CNTN5: variants seen among roughly 807,000 people sequenced by gnomAD.
The protein encoded by CNTN5 is contactin 5.
In CNTN5, 77 loss-of-function variants were observed where a neutral mutation model predicts 129.1. The observed-to-expected ratio is 0.60, with a 90% CI of 0.50 to 0.72. CNTN5 has a LOEUF of 0.72. Ranked by LOEUF, CNTN5 falls within the 30% of genes least tolerant of loss-of-function variation. CNTN5 has a pLI of 0.00. For synonymous variants in CNTN5, 509 were observed against 465.6 expected, an observed-to-expected ratio of 1.09 and a Z score of -1.20; for missense variants, 1,478 against 1,328.8, an observed-to-expected ratio of 1.11 and a Z score of -1.75.
rs149855128 is a variant in CNTN5, at chr11:99,543,453, C to T, written c.-70-12692C>T. On this transcript the variant is annotated intron_variant, in intron 2 of 24. Coordinates refer to ENST00000524871, the MANE Select transcript of CNTN5 (RefSeq NM_014361.4). ...CTGACCATCACATTTACTTGCACTT[C>T]TGATATCAAATTCAGTTAGGCCATA... 5.4e-4 allele frequency among the ~76,000 whole-genome samples: 82 copies of T among 152,286 alleles called. 3 individuals carry two copies. The East Asian group carries it at 0.015, about 27-fold the overall frequency.
chr11:99,680,517 A>G (rs1296946261), intron 3 of CNTN5, among the ~76,000 whole-genome samples: 1 of 151,892 alleles, frequency 6.6e-6, no homozygotes, highest in African/African-American at 2.4e-5. Context: ...TTTTAAGCCC[A>G]CTGTCGAGAT....
chr11:99,832,908 G>A (rs575821530), intron 4 of CNTN5, among the ~76,000 whole-genome samples: 1 of 152,306 alleles, frequency 6.6e-6, no homozygotes, highest in Admixed American at 6.5e-5. Flanking sequence ...AACAGTTGCA[G>A]CCTGGCATTA....
At chr11:100,078,897 T>A (rs1047720405) in intron 13 of CNTN5, among the ~76,000 whole-genome samples, 3 of 151,982 alleles carry the variant, frequency 2.0e-5, no homozygotes, top group African/African-American at 7.3e-5. Flanking sequence ...CAAGACTGGG[T>A]AATTTATAAA....
chr11:99,132,157 T>C (rs61893413), intron 1 of CNTN5, among the ~76,000 whole-genome samples: 26,270 of 151,674 alleles, frequency 0.17, 2,711 homozygotes, highest in East Asian at 0.41. Flanking sequence ...ACCATATGAA[T>C]ATCTCAATAG....
chr11:99,431,063 C>G (rs1447019460), intron 2 of CNTN5, among the ~76,000 whole-genome samples: 6 of 149,326 alleles, frequency 4.0e-5, no homozygotes, highest in Admixed American at 2.7e-4. Flanking sequence ...TTTTAAAAGG[C>G]CTTGTTAGGC....
chr11:99,185,415 T>G (rs944133736), intron 1 of CNTN5, among the ~76,000 whole-genome samples: 1 of 152,020 alleles, frequency 6.6e-6, no homozygotes, highest in South Asian at 2.1e-4. Context: ...GAATCAATGA[T>G]AGTTAAGAAA....
At chr11:99,700,621 T>C (rs1235082604) in intron 3 of CNTN5, among the ~76,000 whole-genome samples, 1 of 151,344 alleles carries the variant, frequency 6.6e-6, no homozygotes, top group Admixed American at 6.6e-5. Flanking sequence ...ATTTCAAAAA[T>C]AATAAAAGCC....
At chr11:100,098,683 G>A (rs1257525849) in intron 13 of CNTN5, among the ~76,000 whole-genome samples, 1 of 151,926 alleles carries the variant, frequency 6.6e-6, no homozygotes, top group Non-Finnish European at 1.5e-5. Flanking sequence ...TAATGTTATT[G>A]CCCAGTAGCA....
At chr11:100,210,967 C>A (rs1227369428) in intron 15 of CNTN5, among the ~76,000 whole-genome samples, 1 of 152,112 alleles carries the variant, frequency 6.6e-6, no homozygotes, top group Non-Finnish European at 1.5e-5. Flanking sequence ...AGGTAGTTGA[C>A]ACATTGTACA....
At position 100,356,120 on chromosome 11, in the gene CNTN5, G is replaced by C; in HGVS notation, c.3203G>C (p.Gly1068Ala). The C allele has an allele frequency of 6.2e-6, 10 of 1,605,088 alleles. No homozygotes were observed. Among genetic ancestry groups the C allele is most frequent in the Non-Finnish European group, 7.7e-6 (9 of 1,174,220 alleles). ...SQIRVPSYSG[G>A]KITSAQSTLH... Reference sequence around the variant, plus strand: ...TTTGATGCTTCTTTTTTCACAGGTGGAAAAATCACAAGTGCACAGTCGACC... The same window carrying C: ...TTTGATGCTTCTTTTTTCACAGGTGCAAAAATCACAAGTGCACAGTCGACC... The change falls in exon 25 of 25, where the codon GGA becomes GCA. Residue 1068 changes from glycine to alanine, a missense_variant. Physicochemically the swap from Gly to Ala is moderately conservative, Grantham distance 60 (BLOSUM62 0). Transcript: ENST00000524871.
chr11:100,080,854 A>G (rs1305370213), intron 13 of CNTN5, among the ~76,000 whole-genome samples: 1 of 152,190 alleles, frequency 6.6e-6, no homozygotes, highest in Admixed American at 6.5e-5. Flanking sequence ...ATTAATATCT[A>G]TGTTTTCAAA....
At chr11:99,383,602 T>A (rs1021908208) in intron 2 of CNTN5, among the ~76,000 whole-genome samples, 2 of 152,196 alleles carry the variant, frequency 1.3e-5, no homozygotes, top group Non-Finnish European at 2.9e-5. Flanking sequence ...GCTGCTTTTT[T>A]TTTTTTCTTT....
intron 1 of CNTN5, among the ~76,000 whole-genome samples, chr11:99,283,678 A>G (rs1329924335): frequency 6.6e-6 from 1 of 152,148 alleles, no homozygotes; most frequent in Non-Finnish European, 1.5e-5. Flanking sequence ...AAGCAGGGAA[A>G]CTATTACACA....
intron 2 of CNTN5, among the ~76,000 whole-genome samples, chr11:99,352,572 A>G (rs1938372875): frequency 6.6e-6 from 1 of 152,156 alleles, no homozygotes; most frequent in African/African-American, 2.4e-5. Context: ...CTAAAGTTGA[A>G]ACAATAAAAA....
chr11:99,653,205 C>T (rs1296205475), intron 3 of CNTN5, among the ~76,000 whole-genome samples: 1 of 151,952 alleles, frequency 6.6e-6, no homozygotes, highest in Non-Finnish European at 1.5e-5. Flanking sequence ...AATGAGTGAA[C>T]TCATAGACAG....
intron 21 of CNTN5, among the ~76,000 whole-genome samples, chr11:100,324,546 T>C (rs1951753684): frequency 6.6e-6 from 1 of 152,128 alleles, no homozygotes; most frequent in Admixed American, 6.5e-5. Context: ...AGTACATCAG[T>C]TATAATTAAA....
chr11:99,183,537 G>C (rs748395454), intron 1 of CNTN5, among the ~76,000 whole-genome samples: 18 of 151,938 alleles, frequency 1.2e-4, no homozygotes, highest in Non-Finnish European at 2.2e-4. Flanking sequence ...TTAGTTTCAT[G>C]GTATTTGTTT....
At chr11:99,580,804 C>T (rs10893533) in intron 3 of CNTN5, among the ~76,000 whole-genome samples, 1 of 117,020 alleles carries the variant, frequency 8.5e-6, no homozygotes, top group Non-Finnish European at 1.8e-5. Context: ...TTGATTTTTT[C>T]AAGGGTTTTT....
intron 1 of CNTN5, among the ~76,000 whole-genome samples, chr11:99,022,483 T>A (rs1487636125): frequency 7.9e-5 from 12 of 152,164 alleles, no homozygotes; most frequent in Non-Finnish European, 1.2e-4. Flanking sequence ...ATTCTCATGG[T>A]TGCTTGCATA....
Sources: allele counts gnomAD v4.1 joint callset (sites outside exome capture counted in the v4.1 genomes callset), GRCh38; gene constraint gnomAD v4.1.1; transcripts MANE v1.5; gene names NCBI Gene and HGNC (gene_info 2026-07-23, HGNC 2026-07-21).